The following SLC4A10 variants were observed in gnomAD, a reference collection of about 807,000 sequenced individuals.
SLC4A10 encodes the protein solute carrier family 4 member 10, also known as sodium-driven chloride bicarbonate exchanger.
Under a neutral mutation model 137.7 loss-of-function variants are expected in SLC4A10, and 42 were observed. That is an observed-to-expected ratio of 0.30 (90% CI 0.24 to 0.39). The LOEUF is 0.39. SLC4A10 is among the 10% of genes least tolerant of loss of function. The pLI, the probability that SLC4A10 is intolerant of heterozygous loss-of-function variation, is 1.00. For missense variants in SLC4A10, 925 were observed against 1,355.0 expected, an observed-to-expected ratio of 0.68 and a Z score of 4.98; for synonymous variants, 474 against 464.1, an observed-to-expected ratio of 1.02 and a Z score of -0.27.
intron 15 of SLC4A10, among the ~76,000 whole-genome samples, chr2:161,928,815 T>C (rs927228022): frequency 6.6e-6 from 1 of 152,102 alleles, no homozygotes; most frequent in Non-Finnish European, 1.5e-5. Context: ...ATGCCATGCG[T>C]ATAGCAACTG....
At chr2:161,782,090 T>C (rs1376796659) in intron 2 of SLC4A10, among the ~76,000 whole-genome samples, 1 of 152,052 alleles carries the variant, frequency 6.6e-6, no homozygotes, top group Non-Finnish European at 1.5e-5. Context: ...GTAGCCACCA[T>C]AGCTTTTCCT....
chr2:161,804,476 A>C lies in SLC4A10; in HGVS notation c.158A>C (p.His53Pro). 6.2e-7 allele frequency: 1 copy of C among 1,613,054 alleles called. No individual in the cohort carries two copies. The highest frequency in any genetic ancestry group is 8.5e-7 in the Non-Finnish European group (1 of 1,179,290). ...CATCGAACACTATTTATTGGAGTAC[A>C]TGTGCCCTTGGGAGGAAGAAAAAGC... is the stretch of plus-strand genomic sequence containing the variant. The part of the protein sequence containing the change: ...EGHRTLFIGV[H>P]VPLGGRKSHR... Residue 53 changes from histidine (H) to proline (P), a missense_variant, in exon 3 of 27, where the codon CAT (histidine) becomes CCT (proline). By Grantham distance (77) the His-to-Pro change is moderately conservative. This residue lies in a region of SLC4A10 where 138 missense variants were observed against 171.3 expected (regional missense o/e 0.81). Coordinates refer to ENST00000446997, the MANE Select transcript of SLC4A10 (RefSeq NM_001178015.2).
intron 3 of SLC4A10, among the ~76,000 whole-genome samples, chr2:161,828,393 T>C: frequency 6.6e-6 from 1 of 151,922 alleles, no homozygotes. Flanking sequence ...TCTTGAGCTT[T>C]TGAATTTTTG....
At chr2:161,976,952 T>G in intron 25 of SLC4A10, 76 bp downstream of exon 25, 1 of 724,386 alleles carries the variant, frequency 1.4e-6, no homozygotes, top group Middle Eastern at 2.5e-4. Context: ...AAAAGAATAA[T>G]ATTAGTTTCC....
At chr2:161,893,771 C>T (rs912569929) in intron 10 of SLC4A10, among the ~76,000 whole-genome samples, 3 of 151,614 alleles carry the variant, frequency 2.0e-5, no homozygotes, top group Non-Finnish European at 4.4e-5. Flanking sequence ...AAATAATATG[C>T]ATAAAAATTA....
At chr2:161,932,568 G>T (rs1296263526) in intron 15 of SLC4A10, among the ~76,000 whole-genome samples, 1 of 152,074 alleles carries the variant, frequency 6.6e-6, no homozygotes, top group Non-Finnish European at 1.5e-5. Context: ...ATTAGGACTT[G>T]CCTCTGAGTC....
chr2:161,849,715 A>G (rs906573115), intron 4 of SLC4A10, among the ~76,000 whole-genome samples: 5 of 152,056 alleles, frequency 3.3e-5, no homozygotes, highest in Admixed American at 2.6e-4. Flanking sequence ...ATTGATTTGC[A>G]TATGTTGAAC....
chr2:161,860,271 C>G (rs1180454900), intron 5 of SLC4A10, among the ~76,000 whole-genome samples: 1 of 152,024 alleles, frequency 6.6e-6, no homozygotes, highest in Non-Finnish European at 1.5e-5. Flanking sequence ...ATAACTGTTT[C>G]AAATAAAAAT....
rs771508816 is a variant in SLC4A10 at position 161,965,179 on chromosome 2, A to T, written c.3159+6A>T. On this transcript the variant is annotated splice_donor_region_variant and intron_variant, in intron 23 of 26. Transcript: ENST00000446997. Reference sequence around the variant, plus strand: ...TGGAAGATGCTGAAAAAGAAGTAAGAGCAAAATCAATGTTTTATAAAGAAA... The same window carrying T: ...TGGAAGATGCTGAAAAAGAAGTAAGTGCAAAATCAATGTTTTATAAAGAAA... 8 of 1,602,532 alleles carry T rather than the reference A, an allele frequency of 5.0e-6. No homozygotes were observed. The East Asian group carries it at 1.8e-4, about 36-fold the overall frequency.
chr2:161,625,596 T>G (rs1444807732), intron 1 of SLC4A10, among the ~76,000 whole-genome samples: 1 of 152,028 alleles, frequency 6.6e-6, no homozygotes, highest in Admixed American at 6.6e-5. Flanking sequence ...GGCGGTGAGC[T>G]GTCCATTTCC....
intron 1 of SLC4A10, among the ~76,000 whole-genome samples, chr2:161,716,784 A>G (rs894802147): frequency 6.6e-6 from 1 of 152,124 alleles, no homozygotes; most frequent in Non-Finnish European, 1.5e-5. Context: ...TGTCTTGACT[A>G]TACCAGCTCT....
chr2:161,771,244 A>C (rs1379768590), intron 2 of SLC4A10, among the ~76,000 whole-genome samples, 190 bp downstream of exon 2: 3 of 151,884 alleles, frequency 2.0e-5, no homozygotes, highest in Non-Finnish European at 4.4e-5. Flanking sequence ...AATCAATGAG[A>C]AGCATCAGTT....
intron 1 of SLC4A10, among the ~76,000 whole-genome samples, chr2:161,711,925 A>G (rs991512434): frequency 6.6e-6 from 1 of 151,878 alleles, no homozygotes; most frequent in African/African-American, 2.4e-5. Context: ...TACCTGACAT[A>G]TATCAAACAT....
At chr2:161,642,024 A>C (rs1011624250) in intron 1 of SLC4A10, among the ~76,000 whole-genome samples, 1 of 151,970 alleles carries the variant, frequency 6.6e-6, no homozygotes, top group African/African-American at 2.4e-5. Context: ...CTTCCATCTC[A>C]TTTCACAAAA....
At chr2:161,770,308 C>G (rs1378987256) in intron 1 of SLC4A10, among the ~76,000 whole-genome samples, 2 of 151,860 alleles carry the variant, frequency 1.3e-5, no homozygotes, top group East Asian at 3.9e-4. Context: ...AAATTAGTGG[C>G]TGTATTATTT....
At chr2:161,794,567 A>G (rs1330948513) in intron 2 of SLC4A10, among the ~76,000 whole-genome samples, 1 of 152,152 alleles carries the variant, frequency 6.6e-6, no homozygotes, top group African/African-American at 2.4e-5. Context: ...AGATGGATAT[A>G]TGAAAAAGTC....
At chr2:161,824,370 A>G (rs778735716) in intron 3 of SLC4A10, among the ~76,000 whole-genome samples, 1 of 152,212 alleles carries the variant, frequency 6.6e-6, no homozygotes, top group South Asian at 2.1e-4. Context: ...CATGAAAGCC[A>G]TCAAGCTTGA....
chr2:161,761,244 G>A lies in SLC4A10; in HGVS notation c.49-9729G>A, dbSNP rs140113506. Among the ~76,000 whole-genome samples, 355 of 152,070 alleles carry A rather than the reference G, an allele frequency of 2.3e-3. 1 individual carries two copies. Among genetic ancestry groups the A allele is most frequent in the African/African-American group, 7.9e-3 (327 of 41,520 alleles). On this transcript the variant is annotated intron_variant, in intron 1 of 26. Transcript: ENST00000446997. ...TGATGCCTTCCAGAATGGGAGAATC[G>A]GCAACAGAGAGATAGGATACGCTAG...
At position 161,936,541 on chromosome 2, in the gene SLC4A10, A is replaced by AT. The variant is rs1234525196; in HGVS notation, c.1998-6244dup. The stretch of plus-strand genomic sequence containing the variant: ...GTTATATGTGTCTAGGAATTTATCC[A>AT]TTTTTTTCTAGGTTATTCAATATGT... On this transcript the variant is annotated intron_variant, in intron 15 of 26. Transcript: ENST00000446997. Among the ~76,000 whole-genome samples, 4 of 151,754 alleles carry AT rather than the reference A, an allele frequency of 2.6e-5. No homozygotes were observed. The East Asian group carries it at 7.7e-4, about 29-fold the overall frequency.
Sources: gnomAD v4.1 joint callset for allele counts (sites outside exome capture counted in the v4.1 genomes callset) on GRCh38, gnomAD v4.1.1 for gene constraint, gnomAD v4.1.1 regional missense constraint, MANE v1.5 for transcripts, NCBI Gene and HGNC (gene_info 2026-07-23, HGNC 2026-07-21) for gene names.